The following PHAF1 variants were observed in gnomAD, a reference collection of about 807,000 sequenced individuals.
PHAF1 encodes phagophore assembly factor 1.
PHAF1 carries 23 observed loss-of-function variants against 63.1 expected under a neutral mutation model. The observed-to-expected ratio is 0.36, with a 90% CI of 0.26 to 0.52. PHAF1 has a LOEUF of 0.52. PHAF1 is among the 20% of genes least tolerant of loss of function. The pLI, the probability that PHAF1 is intolerant of heterozygous loss-of-function variation, is 0.93. For missense variants in PHAF1, 427 were observed against 517.2 expected (o/e 0.83, Z 1.69); for synonymous variants, 167 against 185.0 (o/e 0.90, Z 0.79).
chr16:67,118,412 C>T (rs1962840125), intron 1 of PHAF1, among the ~76,000 whole-genome samples: 1 of 141,172 alleles, frequency 7.1e-6, no homozygotes, highest in Non-Finnish European at 1.5e-5. Context: ...TCTCGGTTCA[C>T]TACAACCTCT....
chr16:67,126,595 G>GTTTTTTTTTTT (rs60445297), intron 3 of PHAF1, among the ~76,000 whole-genome samples: 6 of 134,204 alleles, frequency 4.5e-5, no homozygotes, highest in African/African-American at 1.7e-4. Flanking sequence ...TTTGTTTTTG[G>GTTTTTTTTTTT]TTTTTTTTTT....
At chr16:67,120,536 T>G (rs1463557932) in intron 2 of PHAF1, among the ~76,000 whole-genome samples, 1 of 151,472 alleles carries the variant, frequency 6.6e-6, no homozygotes, top group East Asian at 1.9e-4. Context: ...TGTTTAAAAT[T>G]GTCTTTTCTG....
Position 67,126,594 on chromosome 16 carries a change from G to GTT in PHAF1, c.231+552_231+553insTT, listed in dbSNP as rs201265915. Among the ~76,000 whole-genome samples, 247 of 144,250 alleles carry GTT rather than the reference G, an allele frequency of 1.7e-3. 2 individuals carry two copies. The highest frequency in any genetic ancestry group is 5.5e-3 in the African/African-American group (205 of 36,978). 94.6% of individuals were successfully genotyped at this position (144,250 alleles called of 152,430 possible). A position where few individuals can be genotyped will look rare whatever the true frequency, so the allele number is the denominator to read the frequency against. ...TCTGGTTTTCTTTGTTTTTGTTTTT[G>GTT]GTTTTTTTTTTTTTTTTTGAGATGA... On this transcript the variant is annotated intron_variant, in intron 3 of 15. Transcript: ENST00000219139.
At chr16:67,133,349 T>C (rs1470702024) in intron 6 of PHAF1, among the ~76,000 whole-genome samples, 1 of 152,044 alleles carries the variant, frequency 6.6e-6, no homozygotes, top group Admixed American at 6.6e-5. Context: ...TTCTGCATTT[T>C]CCCCTATGAA....
chr16:67,130,895 G>A (rs954268877), intron 3 of PHAF1, among the ~76,000 whole-genome samples: 1 of 152,182 alleles, frequency 6.6e-6, no homozygotes, highest in Non-Finnish European at 1.5e-5. Context: ...AAGCTAAGAG[G>A]TTATGCTGAA....
At chr16:67,124,181 T>A (rs1182183900) in intron 2 of PHAF1, among the ~76,000 whole-genome samples, 1 of 152,146 alleles carries the variant, frequency 6.6e-6, no homozygotes, top group African/African-American at 2.4e-5. Flanking sequence ...CCAAGCAAGA[T>A]TCCTGAAAGA....
chr16:67,138,637 G>T (rs1357163049), intron 8 of PHAF1, among the ~76,000 whole-genome samples: 1 of 152,114 alleles, frequency 6.6e-6, no homozygotes, highest in Non-Finnish European at 1.5e-5. Flanking sequence ...GTGTTTGTGT[G>T]TGTGTCATTA....
chr16:67,142,020 C>A (rs1166472739), intron 10 of PHAF1, among the ~76,000 whole-genome samples: 1 of 152,210 alleles, frequency 6.6e-6, no homozygotes, highest in Non-Finnish European at 1.5e-5. Flanking sequence ...ATGCAGACAG[C>A]TGGAGGGTGA....
intron 3 of PHAF1, among the ~76,000 whole-genome samples, chr16:67,126,458 T>C (rs1251021969): frequency 1.3e-5 from 2 of 152,208 alleles, no homozygotes; most frequent in Non-Finnish European, 2.9e-5. Context: ...ATACCAGCAA[T>C]GAGTTGATTC....
At chr16:67,139,473 C>T (rs1250607144) in intron 8 of PHAF1, among the ~76,000 whole-genome samples, 1 of 150,992 alleles carries the variant, frequency 6.6e-6, no homozygotes, top group Non-Finnish European at 1.5e-5. Context: ...CTCACCCTTC[C>T]AAGTAGATGG....
chr16:67,122,623 T>A (rs1963031418), intron 2 of PHAF1, among the ~76,000 whole-genome samples: 1 of 152,030 alleles, frequency 6.6e-6, no homozygotes, highest in Non-Finnish European at 1.5e-5. Context: ...GATTTAGATC[T>A]CTGCTTTTCT....
At chr16:67,123,587 T>G (rs1373812044) in intron 2 of PHAF1, among the ~76,000 whole-genome samples, 1 of 152,066 alleles carries the variant, frequency 6.6e-6, no homozygotes, top group Non-Finnish European at 1.5e-5. Context: ...AAAATTTTTT[T>G]GTAGAGACAG....
rs142244088 is a variant in PHAF1 at position 67,111,985 on chromosome 16, A to C, written c.64+1746A>C. ...TCATAACTTAACACCACTCCTGCAGAGTTCTTTCCAAAATATTAGCTGGTA... is the reference window on the plus strand; with the variant it reads ...TCATAACTTAACACCACTCCTGCAGCGTTCTTTCCAAAATATTAGCTGGTA... On this transcript the variant is annotated intron_variant, in intron 1 of 15. Coordinates refer to ENST00000219139, the MANE Select transcript of PHAF1 (RefSeq NM_025187.5). Among the ~76,000 whole-genome samples, 5 of 152,252 alleles carry C rather than the reference A, an allele frequency of 3.3e-5. No homozygotes were observed. The East Asian group carries it at 7.7e-4, about 24-fold the overall frequency.
At chr16:67,134,293 C>G in intron 7 of PHAF1, 28 bp downstream of exon 7, 3 of 1,609,242 alleles carry the variant, frequency 1.9e-6, no homozygotes, top group Non-Finnish European at 2.6e-6. Context: ...GAGTTTCTTG[C>G]TAAGGCCTGG....
chr16:67,144,997 C>A, intron 12 of PHAF1, 120 bp downstream of exon 12: 2 of 1,264,840 alleles, frequency 1.6e-6, no homozygotes, highest in South Asian at 1.2e-5. Flanking sequence ...GGCCTCAGTT[C>A]CTCTGGGGTG....
chr16:67,121,683 C>T (rs770202093), intron 2 of PHAF1, among the ~76,000 whole-genome samples: 5 of 151,028 alleles, frequency 3.3e-5, no homozygotes, highest in African/African-American at 7.3e-5. Flanking sequence ...CGAGTTCAAG[C>T]GATTCTCCTG....
intron 1 of PHAF1, among the ~76,000 whole-genome samples, chr16:67,118,144 T>C (rs1440427033): frequency 6.9e-6 from 1 of 145,802 alleles, no homozygotes; most frequent in African/African-American, 2.5e-5. Flanking sequence ...TTTTTTTTTT[T>C]TTTCTTTTTT....
At chr16:67,120,778 G>A (rs1322805391) in intron 2 of PHAF1, among the ~76,000 whole-genome samples, 1 of 151,932 alleles carries the variant, frequency 6.6e-6, no homozygotes, top group Non-Finnish European at 1.5e-5. Context: ...GAATAGTTTT[G>A]AGCCTACAGA....
intron 3 of PHAF1, among the ~76,000 whole-genome samples, chr16:67,128,055 A>G (rs1215873178): frequency 6.6e-6 from 1 of 151,740 alleles, no homozygotes; most frequent in Non-Finnish European, 1.5e-5. Flanking sequence ...TGCTAGGCAC[A>G]TGGCTGGGTG....
Sources: allele counts gnomAD v4.1 joint callset (sites outside exome capture counted in the v4.1 genomes callset), GRCh38; gene constraint gnomAD v4.1.1; transcripts MANE v1.5; gene names NCBI Gene and HGNC (gene_info 2026-07-23, HGNC 2026-07-21).